Variants in PKD1L1 observed in about 807,000 individuals in gnomAD.
PKD1L1 encodes polycystin 1 like 1, transient receptor potential channel interacting, also known as polycystin-1-like protein 1.
PKD1L1 carries 236 observed loss-of-function variants against 323.4 expected under a neutral mutation model. The ratio of observed to expected loss-of-function variants is 0.73; its 90% CI spans 0.66 to 0.81. The LOEUF is 0.81. Ranked by LOEUF, PKD1L1 falls within the 40% of genes least tolerant of loss-of-function variation. The probability of loss-of-function intolerance (pLI) is 0.00; values close to 1 mark genes in which losing one functional copy is unlikely to be tolerated. For synonymous variants in PKD1L1, 1,344 were observed against 1,335.0 expected (o/e 1.01, Z -0.15); for missense variants, 3,320 against 3,508.0 (o/e 0.95, Z 1.35).
At chr7:47,783,678 G>A (rs1416362185) in intron 56 of PKD1L1, among the ~76,000 whole-genome samples, 1 of 152,178 alleles carries the variant, frequency 6.6e-6, no homozygotes, top group Non-Finnish European at 1.5e-5. Context: ...ACAAGCCAAG[G>A]AGCTAAGGGA....
chr7:47,823,702 A>T (rs1462121473), intron 45 of PKD1L1, among the ~76,000 whole-genome samples: 2 of 152,166 alleles, frequency 1.3e-5, no homozygotes, highest in Non-Finnish European at 2.9e-5. Context: ...CAGATTCATT[A>T]CTTCATTAAA....
chr7:47,781,387 G>GTTTTTTTT (rs200570381), intron 56 of PKD1L1, among the ~76,000 whole-genome samples: 1 of 121,702 alleles, frequency 8.2e-6, no homozygotes. Context: ...AGAACAAAAG[G>GTTTTTTTT]TTTTTTTTTT....
chr7:47,920,152 G>A (rs1399486215), intron 7 of PKD1L1, among the ~76,000 whole-genome samples: 1 of 152,036 alleles, frequency 6.6e-6, no homozygotes, highest in Non-Finnish European at 1.5e-5. Context: ...ATTGATAAAA[G>A]AATGCAGCTA....
chr7:47,897,967 G>A (rs1786994727), intron 14 of PKD1L1, 21 bp downstream of exon 14: 1 of 1,579,008 alleles, frequency 6.3e-7, no homozygotes, highest in African/African-American at 1.3e-5. Flanking sequence ...GGCCAGTAGA[G>A]CAGTAAGTCA....
In PKD1L1 at chr7:47,890,761, T is replaced by C. The variant is rs1260387338; in HGVS notation, c.2456A>G (p.Tyr819Cys). Residue 819 changes from tyrosine to cysteine, a missense_variant and splice_region_variant, in exon 16 of 57, where the codon TAT becomes TGT. Coordinates refer to ENST00000289672, the MANE Select transcript of PKD1L1 (RefSeq NM_138295.5). ...DPDDPGATLR[Y>C]HWECATAGSP... ...GCCAGCGGTGGCGCATTCCCAGTGATACCTGTTGGAGAAGTCATCGGAGTG... is the reference window on the plus strand; with the variant it reads ...GCCAGCGGTGGCGCATTCCCAGTGACACCTGTTGGAGAAGTCATCGGAGTG... 2.5e-6 allele frequency: 4 copies of C among 1,612,056 alleles called. No individual in the cohort carries two copies. The highest frequency in any genetic ancestry group is 1.7e-5 in the Admixed American group (1 of 59,992).
chr7:47,838,853 G>A (rs1289928234), intron 36 of PKD1L1, among the ~76,000 whole-genome samples: 2 of 141,084 alleles, frequency 1.4e-5, no homozygotes, highest in Non-Finnish European at 3.0e-5. Flanking sequence ...ACTCCAGCCT[G>A]GCAGTAGAGT....
At chr7:47,919,403 A>C (rs1348664039) in intron 7 of PKD1L1, among the ~76,000 whole-genome samples, 1 of 152,180 alleles carries the variant, frequency 6.6e-6, no homozygotes, top group African/African-American at 2.4e-5. Flanking sequence ...CAACAAAAAA[A>C]GTCCAGGTCC....
rs1451415245 is a variant in PKD1L1 at position 47,904,419 on chromosome 7, G to A, written c.1890C>T (p.Thr630=). 10 of 1,613,998 alleles carry A rather than the reference G, an allele frequency of 6.2e-6. No homozygotes were observed. Among genetic ancestry groups the A allele is most frequent in the African/African-American group, 5.3e-5 (4 of 74,920 alleles). The change falls in exon 12 of 57, where the codon ACC becomes ACT. Residue 630 remains threonine, a synonymous_variant. Coordinates refer to ENST00000289672, the MANE Select transcript of PKD1L1 (RefSeq NM_138295.5). ...TGCTGGAGCTGCTCCCCAGGCTGAC[G>A]GTGCCATCCCCAAAGTCCCACAGGT... ...VAYLWDFGDG[T]VSLGSSSSSH...
At chr7:47,792,976 A>G (rs1440567555) in intron 55 of PKD1L1, among the ~76,000 whole-genome samples, 179 bp from the exon 56 acceptor site, 1 of 152,050 alleles carries the variant, frequency 6.6e-6, no homozygotes, top group Non-Finnish European at 1.5e-5. Context: ...ACATCTCTAT[A>G]TCTCAGTTGC....
At chr7:47,892,071 G>C (rs1175447649) in intron 15 of PKD1L1, among the ~76,000 whole-genome samples, 5 of 152,162 alleles carry the variant, frequency 3.3e-5, no homozygotes, top group African/African-American at 1.2e-4. Flanking sequence ...TCCAGGCATG[G>C]GGGATATATC....
intron 19 of PKD1L1, among the ~76,000 whole-genome samples, chr7:47,882,613 TGAAG>T (rs1233614901): frequency 6.9e-6 from 1 of 144,312 alleles, no homozygotes; most frequent in Non-Finnish European, 1.5e-5. Context: ...TTCAAGCATC[TGAAG>T]GAAGGAGTTT....
chr7:47,929,074 G>A (rs1407125763), intron 7 of PKD1L1, 130 bp downstream of exon 7: 1 of 940,190 alleles, frequency 1.1e-6, no homozygotes, highest in Admixed American at 2.7e-5. Context: ...TACTATTCTT[G>A]GAGCCAGGAA....
At chr7:47,862,864 AC>A (rs970972389) in intron 26 of PKD1L1, among the ~76,000 whole-genome samples, 1 of 152,180 alleles carries the variant, frequency 6.6e-6, no homozygotes, top group African/African-American at 2.4e-5. Context: ...CTTCTATTCC[AC>A]ACGCAAGGAG....
At chr7:47,831,074 G>A in intron 42 of PKD1L1, 143 bp downstream of exon 42, 1 of 1,170,212 alleles carries the variant, frequency 8.5e-7, no homozygotes, top group Non-Finnish European at 1.2e-6. Flanking sequence ...CCAGGAGATG[G>A]GAGGGAGAAA....
At chr7:47,938,169 G>A (rs1787907814) in intron 3 of PKD1L1, among the ~76,000 whole-genome samples, 1 of 152,118 alleles carries the variant, frequency 6.6e-6, no homozygotes, top group Non-Finnish European at 1.5e-5. Flanking sequence ...GTTAACCAAC[G>A]GCCCAGCCCC....
At chr7:47,802,282 A>T (rs905010356) in intron 53 of PKD1L1, among the ~76,000 whole-genome samples, 1 of 152,094 alleles carries the variant, frequency 6.6e-6, no homozygotes, top group Non-Finnish European at 1.5e-5. Context: ...ACATGCATAT[A>T]ATCTCAAAGG....
At chr7:47,879,411 C>G (rs1276861939) in intron 21 of PKD1L1, among the ~76,000 whole-genome samples, 1 of 151,916 alleles carries the variant, frequency 6.6e-6, no homozygotes, top group Admixed American at 6.6e-5. Flanking sequence ...GTGGATCGCT[C>G]ACTTGAGGTC....
At chr7:47,895,202 C>G (rs1290942449) in intron 14 of PKD1L1, among the ~76,000 whole-genome samples, 1 of 152,144 alleles carries the variant, frequency 6.6e-6, no homozygotes, top group South Asian at 2.1e-4. Flanking sequence ...AGGTCAGAGA[C>G]AGCAGAAGTT....
Position 47,796,902 on chromosome 7 carries a change from A to C in PKD1L1, c.8194-752T>G, listed in dbSNP as rs533695766. The stretch of plus-strand genomic sequence containing the variant: ...GTAGTCCCAGCTACTCGGGAGGCTG[A>C]GGCAGAAGAATGGCGTGAATCCGGG... On this transcript the variant is annotated intron_variant, in intron 54 of 56. Transcript: ENST00000289672. Among the ~76,000 whole-genome samples, 4 of 150,076 alleles carry C rather than the reference A, an allele frequency of 2.7e-5. No individual in the cohort carries two copies. In the South Asian group the frequency reaches 6.4e-4, roughly 24 times the overall value.
Sources: allele counts gnomAD v4.1 joint callset (sites outside exome capture counted in the v4.1 genomes callset), GRCh38; gene constraint gnomAD v4.1.1; transcripts MANE v1.5; gene names NCBI Gene and HGNC (gene_info 2026-07-23, HGNC 2026-07-21).